Variants in PMS1 observed in about 807,000 individuals in gnomAD.
PMS1 encodes the protein PMS1 homolog 1, mismatch repair system component, also known as PMS1 protein homolog 1.
Under a neutral mutation model 93.1 loss-of-function variants are expected in PMS1, and 79 were observed. The ratio of observed to expected loss-of-function variants is 0.85; its 90% confidence interval spans 0.71 to 1.02. The LOEUF (loss-of-function observed/expected upper bound fraction) is 1.02. Ranked by LOEUF, PMS1 falls within the 50% of genes least tolerant of loss-of-function variation. The probability of loss-of-function intolerance (pLI) is 0.00; values close to 1 mark genes in which losing one functional copy is unlikely to be tolerated. For missense variants in PMS1, 1,064 were observed against 1,085.3 expected, an observed-to-expected ratio of 0.98 and a Z score of 0.28; for synonymous variants, 335 against 363.4, an observed-to-expected ratio of 0.92 and a Z score of 0.89.
chr2:189,789,364 G>A (rs2048641503), intron 1 of PMS1, among the ~76,000 whole-genome samples: 1 of 152,122 alleles, frequency 6.6e-6, no homozygotes, highest in Non-Finnish European at 1.5e-5. Flanking sequence ...ATTGATTTAT[G>A]GAGGGATTTC....
At chr2:189,815,173 C>G (rs1178527018) in intron 4 of PMS1, among the ~76,000 whole-genome samples, 1 of 151,234 alleles carries the variant, frequency 6.6e-6, no homozygotes, top group African/African-American at 2.4e-5. Context: ...GACAGAAGAA[C>G]ATGTACAAAG....
At chr2:189,811,603 A>G (rs2050854027) in intron 4 of PMS1, among the ~76,000 whole-genome samples, 3 of 152,146 alleles carry the variant, frequency 2.0e-5, no homozygotes, top group Admixed American at 2.0e-4. Flanking sequence ...TTCAACAACA[A>G]AAAAAACTAA....
chr2:189,846,957 G>A lies in PMS1; in HGVS notation c.699+2877G>A, dbSNP rs534193948. 4.6e-5 allele frequency among the ~76,000 whole-genome samples: 7 copies of A among 151,412 alleles called. No individual in the cohort carries two copies. In the South Asian group the frequency reaches 1.5e-3, roughly 32 times the overall value. ...GCTCACTGAAACCTCTGCCCCCCGG[G>A]TTCAAGTGATTCTCCTACCTCAGCC... On this transcript the variant is annotated intron_variant, in intron 6 of 12. Coordinates refer to ENST00000441310, the MANE Select transcript of PMS1 (RefSeq NM_000534.5).
At chr2:189,841,992 G>C (rs5743106) in intron 5 of PMS1, among the ~76,000 whole-genome samples, 1 of 150,678 alleles carries the variant, frequency 6.6e-6, no homozygotes, top group Non-Finnish European at 1.5e-5. Flanking sequence ...CAGTTTCCTG[G>C]TCAAATGTGT....
At chr2:189,849,969 C>T (rs1028556886) in intron 6 of PMS1, among the ~76,000 whole-genome samples, 5 of 148,266 alleles carry the variant, frequency 3.4e-5, no homozygotes, top group Non-Finnish European at 5.9e-5. Flanking sequence ...TGTTTTCAGT[C>T]CTTATTTCTG....
At chr2:189,841,322 G>A (rs565487906) in intron 5 of PMS1, among the ~76,000 whole-genome samples, 3 of 152,200 alleles carry the variant, frequency 2.0e-5, no homozygotes, top group Admixed American at 1.3e-4. Context: ...TTATCTGATT[G>A]GTATCAATAC....
At chr2:189,821,949 A>G (rs988537270) in intron 5 of PMS1, among the ~76,000 whole-genome samples, 1 of 152,212 alleles carries the variant, frequency 6.6e-6, no homozygotes, top group Non-Finnish European at 1.5e-5. Flanking sequence ...TGAGAGGTTT[A>G]TATCATTTTC....
At chr2:189,820,880 A>G (rs755888600) in intron 5 of PMS1, among the ~76,000 whole-genome samples, 4 of 152,192 alleles carry the variant, frequency 2.6e-5, no homozygotes, top group Non-Finnish European at 4.4e-5. Flanking sequence ...GATCATTTAA[A>G]ATAAGAATAG....
In PMS1 at chr2:189,864,197, C is replaced by G; in HGVS notation, c.2311C>G (p.Pro771Ala). 1.2e-6 allele frequency: 2 copies of G among 1,608,398 alleles called. No individual in the cohort carries two copies. Among genetic ancestry groups the G allele is most frequent in the Non-Finnish European group, 1.7e-6 (2 of 1,175,574 alleles). The stretch of plus-strand genomic sequence containing the variant: ...TGAGAATCATAAACTTCCTGCAGAG[C>G]CACTGGAAAAGCCAATTATGTTAAC... ...LLENHKLPAE[P>A]LEKPIMLTES... Residue 771 changes from proline to alanine, a missense_variant, in exon 10 of 13, where the codon CCA becomes GCA. Pro to Ala is a conservative substitution (Grantham distance 27, BLOSUM62 -1). Coordinates refer to ENST00000441310, the MANE Select transcript of PMS1 (RefSeq NM_000534.5).
intron 6 of PMS1, among the ~76,000 whole-genome samples, chr2:189,845,491 G>A (rs2054178401): frequency 6.6e-6 from 1 of 151,810 alleles, no homozygotes; most frequent in Non-Finnish European, 1.5e-5. Flanking sequence ...TAATGAAAAA[G>A]TTTTCTTCAT....
chr2:189,787,229 T>C (rs1166758168), intron 1 of PMS1, among the ~76,000 whole-genome samples: 1 of 152,194 alleles, frequency 6.6e-6, no homozygotes, highest in Non-Finnish European at 1.5e-5. Flanking sequence ...GGAAGCCAAT[T>C]GAAATTATGT....
intron 4 of PMS1, among the ~76,000 whole-genome samples, chr2:189,808,865 A>T (rs2050579067): frequency 6.6e-6 from 1 of 152,196 alleles, no homozygotes; most frequent in Admixed American, 6.5e-5. Context: ...TGTACCAAGA[A>T]CATGGAGTAA....
At chr2:189,800,332 T>A (rs1054497032) in intron 3 of PMS1, among the ~76,000 whole-genome samples, 1 of 151,516 alleles carries the variant, frequency 6.6e-6, no homozygotes, top group Non-Finnish European at 1.5e-5. Context: ...AAATATTAAA[T>A]TATTTACAAA....
chr2:189,835,688 G>A (rs1333638461), intron 5 of PMS1, among the ~76,000 whole-genome samples: 1 of 152,134 alleles, frequency 6.6e-6, no homozygotes, highest in East Asian at 1.9e-4. Context: ...CACTTTGGGA[G>A]CCCAAGGTGG....
intron 3 of PMS1, among the ~76,000 whole-genome samples, chr2:189,798,217 G>A (rs1013666447): frequency 6.6e-6 from 1 of 152,116 alleles, no homozygotes; most frequent in East Asian, 1.9e-4. Context: ...CTGTAAAGTC[G>A]AAAAATCCTA....
At chr2:189,835,132 G>T (rs1232065269) in intron 5 of PMS1, among the ~76,000 whole-genome samples, 1 of 152,070 alleles carries the variant, frequency 6.6e-6, no homozygotes. Context: ...CCTATAAACT[G>T]CCCCTTCTTT....
rs2055131864 is a variant in PMS1, at chr2:189,854,689, G to A, written c.1417G>A (p.Asp473Asn). 6 of 1,613,856 alleles carry A rather than the reference G, an allele frequency of 3.7e-6. No homozygotes were observed. The highest frequency in any genetic ancestry group is 1.1e-5 in the South Asian group (1 of 91,082). Residue 473 changes from aspartate (D) to asparagine (N), a missense_variant, in exon 9 of 13, where the codon GAC becomes AAC. Transcript: ENST00000441310. Reference sequence around the variant, plus strand: ...CACCCAGTCAGAAAATGGCAATAAAGACCATATAGATGAGAGTGGGGAAAA... The same window carrying A: ...CACCCAGTCAGAAAATGGCAATAAAAACCATATAGATGAGAGTGGGGAAAA... ...KHTQSENGNKDHIDESGENEE... is the reference protein window; with the variant it reads ...KHTQSENGNKNHIDESGENEE...
At chr2:189,849,867 CTTTTTTTT>C (rs751444288) in intron 6 of PMS1, among the ~76,000 whole-genome samples, 3 of 118,866 alleles carry the variant, frequency 2.5e-5, no homozygotes, top group South Asian at 2.7e-4. Context: ...TATTTTTAAA[CTTTTTTTT>C]TTTTTTTTTT....
At chr2:189,828,220 G>A (rs1028922545) in intron 5 of PMS1, among the ~76,000 whole-genome samples, 26 of 152,074 alleles carry the variant, frequency 1.7e-4, no homozygotes, top group African/African-American at 5.3e-4. Flanking sequence ...CACTGCGCCC[G>A]GCCCAGGAAG....
Sources: allele counts gnomAD v4.1 joint callset (sites outside exome capture counted in the v4.1 genomes callset), GRCh38; gene constraint gnomAD v4.1.1; transcripts MANE v1.5; gene names NCBI Gene and HGNC (gene_info 2026-07-23, HGNC 2026-07-21).